SRPK2: variants seen among roughly 807,000 people sequenced by gnomAD.
SRPK2 encodes SFRS protein kinase 2.
In SRPK2, 21 loss-of-function variants were observed where a neutral mutation model predicts 90.8. The ratio of observed to expected loss-of-function variants is 0.23; its 90% CI spans 0.16 to 0.33. SRPK2 has a LOEUF of 0.33. Among genes scored for constraint, SRPK2 ranks in the 10% least tolerant of loss-of-function variants. SRPK2 has a pLI of 1.00. For synonymous variants in SRPK2, 288 were observed against 311.1 expected, an observed-to-expected ratio of 0.93 and a Z score of 0.78; for missense variants, 620 against 869.0, an observed-to-expected ratio of 0.71 and a Z score of 3.60.
intron 3 of SRPK2, among the ~76,000 whole-genome samples, chr7:105,179,311 C>T (rs1470973571): frequency 6.6e-6 from 1 of 152,144 alleles, no homozygotes; most frequent in African/African-American, 2.4e-5. Context: ...AAAACTATAC[C>T]TGGGTATATA....
chr7:105,115,774 T>C (rs1397994153), downstream of SRPK2, among the ~76,000 whole-genome samples: 1 of 152,166 alleles, frequency 6.6e-6, no homozygotes, highest in Non-Finnish European at 1.5e-5. Context: ...AAGCAAAAAC[T>C]GCATTAGACA....
At chr7:105,183,404 G>A (rs1793141785) in intron 3 of SRPK2, among the ~76,000 whole-genome samples, 1 of 152,102 alleles carries the variant, frequency 6.6e-6, no homozygotes, top group Non-Finnish European at 1.5e-5. Context: ...ATGCACTTGG[G>A]GATCAGCAGG....
At chr7:105,133,628 T>A (rs1802357375) in intron 11 of SRPK2, among the ~76,000 whole-genome samples, 1 of 152,190 alleles carries the variant, frequency 6.6e-6, no homozygotes, top group Admixed American at 6.5e-5. Flanking sequence ...CAGTTCCCAC[T>A]GCTTGGGCTG....
At position 105,168,088 on chromosome 7, in the gene SRPK2, T is replaced by A. The variant is rs760825881; in HGVS notation, c.346A>T (p.Arg116Ter). 1 of 1,610,378 alleles carries A rather than the reference T, an allele frequency of 6.2e-7. No individual in the cohort carries two copies. Among genetic ancestry groups the A allele is most frequent in the Non-Finnish European group, 8.5e-7 (1 of 1,177,968 alleles). The change falls in exon 5 of 16, where the codon AGA (arginine) becomes TGA (stop). Residue 116 changes from arginine to a stop codon, truncating the protein, a stop_gained. Coordinates refer to ENST00000393651, the MANE Select transcript of SRPK2 (RefSeq NM_182692.3). LOFTEE classifies it high-confidence loss of function. ...VWLCWDMQGK[R>*]FVAMKVVKSA... ...TTTACAACTTTCATTGCAACAAATC[T>A]TTTCCCCCTAAAAGAAAAAACAAAA... is the stretch of plus-strand genomic sequence containing the variant.
intron 2 of SRPK2, among the ~76,000 whole-genome samples, chr7:105,284,377 A>G (rs1437446956): frequency 6.6e-6 from 1 of 152,230 alleles, no homozygotes; most frequent in Non-Finnish European, 1.5e-5. Flanking sequence ...GGTGGCTGGC[A>G]TGACTTAAGC....
intron 2 of SRPK2, among the ~76,000 whole-genome samples, chr7:105,295,609 G>A (rs1318529623): frequency 6.6e-6 from 1 of 152,164 alleles, no homozygotes; most frequent in Non-Finnish European, 1.5e-5. Flanking sequence ...TAGTTACCAG[G>A]GGCCAGGAAG....
At chr7:105,376,544 T>C (rs1408643492) in intron 2 of SRPK2, among the ~76,000 whole-genome samples, 1 of 151,604 alleles carries the variant, frequency 6.6e-6, no homozygotes, top group African/African-American at 2.4e-5. Context: ...CTTTTTTTTT[T>C]TTGGTGAGGG....
chr7:105,134,617 G>A (rs1051755790), intron 11 of SRPK2, among the ~76,000 whole-genome samples: 7 of 152,258 alleles, frequency 4.6e-5, no homozygotes, highest in South Asian at 4.1e-4. Context: ...GTACATACGA[G>A]CTGTGAAACC....
chr7:105,393,834 T>C (rs1822245979), upstream of SRPK2, among the ~76,000 whole-genome samples: 1 of 151,994 alleles, frequency 6.6e-6, no homozygotes, highest in Non-Finnish European at 1.5e-5. Context: ...GAGGCTAAAG[T>C]AGGAGGATCA....
At chr7:105,129,465 C>G (rs1313069928) in intron 13 of SRPK2, among the ~76,000 whole-genome samples, 1 of 152,108 alleles carries the variant, frequency 6.6e-6, no homozygotes, top group Non-Finnish European at 1.5e-5. Flanking sequence ...ACCTCTGCCT[C>G]CTGGGTTCAA....
chr7:105,356,642 C>G (rs757707928), intron 2 of SRPK2, among the ~76,000 whole-genome samples: 2 of 152,132 alleles, frequency 1.3e-5, no homozygotes, highest in Non-Finnish European at 1.5e-5. Context: ...TCACACAGTT[C>G]AACATCATAC....
In SRPK2 at chr7:105,146,534, T is replaced by C; in HGVS notation, c.746A>G (p.Glu249Gly). ...AGGAGGAGCACCTGCTTTCTGCCACTCAGTGGCCTCAGCTGCCATTCTTCT... is the reference window on the plus strand; with the variant it reads ...AGGAGGAGCACCTGCTTTCTGCCACCCAGTGGCCTCAGCTGCCATTCTTCT... Reference protein sequence around the residue: ...YVRRMAAEATEWQKAGAPPPS... With the variant: ...YVRRMAAEATGWQKAGAPPPS... Residue 249 changes from glutamate (E) to glycine (G), a missense_variant, in exon 8 of 16, where the codon GAG becomes GGG. By Grantham distance (98) the Glu-to-Gly change is moderately conservative. Around this residue, in one of 8 missense-constraint regions of SRPK2, gnomAD observed 196 missense variants for 339.2 expected, o/e 0.58. Transcript: ENST00000393651. The C allele has an allele frequency of 6.2e-7, 1 of 1,614,174 alleles. No individual in the cohort carries two copies. The highest frequency in any genetic ancestry group is 8.5e-7 in the Non-Finnish European group (1 of 1,180,014).
intron 2 of SRPK2, among the ~76,000 whole-genome samples, chr7:105,243,532 C>T (rs1392275223): frequency 2.0e-5 from 3 of 148,004 alleles, no homozygotes; most frequent in South Asian, 2.2e-4. Flanking sequence ...ATTAGCCGGG[C>T]GTGGTAGTGC....
chr7:105,322,667 A>G (rs1813068853), intron 2 of SRPK2, among the ~76,000 whole-genome samples: 1 of 152,126 alleles, frequency 6.6e-6, no homozygotes, highest in Admixed American at 6.5e-5. Context: ...GTGGCTGCAC[A>G]GCATTGCAAA....
At chr7:105,175,677 A>G (rs1360645346) in intron 3 of SRPK2, among the ~76,000 whole-genome samples, 1 of 152,124 alleles carries the variant, frequency 6.6e-6, no homozygotes, top group African/African-American at 2.4e-5. Flanking sequence ...ATGAGCAATG[A>G]GTGAGGTAAT....
At chr7:105,328,561 CAAAAAAAAAAAA>C (rs1192103331) in intron 2 of SRPK2, among the ~76,000 whole-genome samples, 12 of 47,222 alleles carry the variant, frequency 2.5e-4, no homozygotes, top group African/African-American at 3.0e-4. Context: ...GGCTCTGTCT[CAAAAAAAAAAAA>C]AAAAAAAAAG....
At position 105,143,322 on chromosome 7, in the gene SRPK2, T is replaced by C. The variant is rs1171884232; in HGVS notation, c.822A>G (p.Lys274=). The C allele has an allele frequency of 6.2e-7, 1 of 1,611,174 alleles. No individual in the cohort carries two copies. Among genetic ancestry groups the C allele is most frequent in the African/African-American group, 1.3e-5 (1 of 74,608 alleles). Residue 274 remains lysine, a synonymous_variant, in exon 10 of 16, where the codon AAA becomes AAG. Coordinates refer to ENST00000393651, the MANE Select transcript of SRPK2 (RefSeq NM_182692.3). ...GTTTTTTCTTTTTGTTTTTAGATAT[T>C]TTTCCTATCTATGTTAAGGAAAGAC... ...STAPQQKPIG[K]ISKNKKKKLK...
intron 2 of SRPK2, among the ~76,000 whole-genome samples, chr7:105,299,841 C>T (rs1369625949): frequency 6.6e-6 from 1 of 152,100 alleles, no homozygotes; most frequent in Non-Finnish European, 1.5e-5. Flanking sequence ...TTGCAGTGAG[C>T]CGAGATCGCG....
At chr7:105,349,711 T>C (rs1323220775) in intron 2 of SRPK2, among the ~76,000 whole-genome samples, 1 of 151,756 alleles carries the variant, frequency 6.6e-6, no homozygotes, top group East Asian at 1.9e-4. Flanking sequence ...AAGAAAAGAG[T>C]AAATAGCAAA....
Sources: gnomAD v4.1 joint callset for allele counts (sites outside exome capture counted in the v4.1 genomes callset) on GRCh38, gnomAD v4.1.1 for gene constraint, gnomAD v4.1.1 regional missense constraint, MANE v1.5 for transcripts, NCBI Gene and HGNC (gene_info 2026-07-23, HGNC 2026-07-21) for gene names.